TNFAIP8: variants seen among roughly 807,000 people sequenced by gnomAD.
TNFAIP8 encodes the protein tumor necrosis factor alpha-induced protein 8.
TNFAIP8 carries 7 observed loss-of-function variants against 13.3 expected under a neutral mutation model. The observed-to-expected ratio is 0.52, with a 90% CI of 0.30 to 0.99. TNFAIP8 has a LOEUF of 0.99. TNFAIP8 is among the 50% of genes least tolerant of loss of function. The probability of loss-of-function intolerance (pLI) is 0.07; values close to 1 mark genes in which losing one functional copy is unlikely to be tolerated. For missense variants in TNFAIP8, 258 were observed against 236.9 expected (o/e 1.09, Z -0.58); for synonymous variants, 94 against 87.6 (o/e 1.07, Z -0.41).
intron 1 of TNFAIP8, among the ~76,000 whole-genome samples, chr5:119,324,161 G>C (rs979050413): frequency 6.6e-6 from 1 of 151,298 alleles, no homozygotes; most frequent in African/African-American, 2.4e-5. Context: ...TATAATCCCA[G>C]CTACTCGAGA....
intron 1 of TNFAIP8, among the ~76,000 whole-genome samples, chr5:119,280,322 C>T (rs1315176519): frequency 1.4e-5 from 2 of 144,638 alleles, no homozygotes; most frequent in African/African-American, 5.3e-5. Flanking sequence ...GAGTTTTAGT[C>T]TTACCCATTA....
intron 1 of TNFAIP8, among the ~76,000 whole-genome samples, chr5:119,344,056 G>A (rs2112737034): frequency 6.6e-6 from 1 of 152,324 alleles, no homozygotes; most frequent in African/African-American, 2.4e-5. Flanking sequence ...CTTTCTTTGA[G>A]AGTGAGAAGT....
At chr5:119,328,683 G>A (rs1226906624) in intron 1 of TNFAIP8, among the ~76,000 whole-genome samples, 2 of 152,168 alleles carry the variant, frequency 1.3e-5, no homozygotes, top group Non-Finnish European at 2.9e-5. Flanking sequence ...GTGATGGAGG[G>A]AGGATGAGAA....
intron 1 of TNFAIP8, among the ~76,000 whole-genome samples, chr5:119,369,833 G>A (rs1580430851): frequency 6.6e-6 from 1 of 152,188 alleles, no homozygotes; most frequent in Non-Finnish European, 1.5e-5. Flanking sequence ...CTCCTAGTCT[G>A]TGTTTTGGAT....
At chr5:119,272,959 C>A (rs1397875770) in intron 1 of TNFAIP8, among the ~76,000 whole-genome samples, 1 of 152,184 alleles carries the variant, frequency 6.6e-6, no homozygotes, top group South Asian at 2.1e-4. Flanking sequence ...CAGGCTAACT[C>A]GTAAACACCT....
At chr5:119,290,303 T>C (rs961693710) in intron 1 of TNFAIP8, among the ~76,000 whole-genome samples, 1 of 152,218 alleles carries the variant, frequency 6.6e-6, no homozygotes, top group African/African-American at 2.4e-5. Flanking sequence ...AGGTCTCCCA[T>C]AGGATTGTAG....
intron 1 of TNFAIP8, among the ~76,000 whole-genome samples, chr5:119,304,061 A>G (rs1749478329): frequency 6.6e-6 from 1 of 151,894 alleles, no homozygotes; most frequent in Non-Finnish European, 1.5e-5. Context: ...GGATCCTGTC[A>G]TTCCCCAGCT....
chr5:119,332,316 G>A (rs995344242), intron 1 of TNFAIP8, among the ~76,000 whole-genome samples: 2 of 152,156 alleles, frequency 1.3e-5, no homozygotes, highest in South Asian at 2.1e-4. Flanking sequence ...TAGCAATTCT[G>A]TGACATTGAT....
chr5:119,391,360 C>G (rs1021360972), intron 1 of TNFAIP8: 1 of 701,836 alleles, frequency 1.4e-6, no homozygotes. Flanking sequence ...CTTTCTGATA[C>G]CCAGGCCTAG....
intron 1 of TNFAIP8, among the ~76,000 whole-genome samples, chr5:119,339,879 A>G (rs150960807): frequency 6.6e-6 from 1 of 152,354 alleles, no homozygotes; most frequent in Non-Finnish European, 1.5e-5. Context: ...TATTTGATTA[A>G]TTATTTTATC....
At chr5:119,317,315 T>C (rs569048117) in intron 1 of TNFAIP8, among the ~76,000 whole-genome samples, 5 of 152,258 alleles carry the variant, frequency 3.3e-5, no homozygotes, top group Admixed American at 2.6e-4. Flanking sequence ...TTAAATATGC[T>C]TTTAAATTGT....
At chr5:119,307,411 T>G (rs1178041509) in intron 1 of TNFAIP8, among the ~76,000 whole-genome samples, 1 of 152,216 alleles carries the variant, frequency 6.6e-6, no homozygotes, top group East Asian at 1.9e-4. Flanking sequence ...CATACAGTAC[T>G]TTTTTTGTAC....
In TNFAIP8 at chr5:119,366,378, G is replaced by T. The variant is rs114303832; in HGVS notation, c.31+10257G>T. 6.9e-3 allele frequency among the ~76,000 whole-genome samples: 1,046 copies of T among 152,262 alleles called. 17 individuals carry two copies. Among genetic ancestry groups the T allele is most frequent in the African/African-American group, 0.024 (992 of 41,536 alleles). On this transcript the variant is annotated intron_variant, in intron 1 of 1. Transcript: ENST00000504771. ...AAGCTCTCTAGTGCTTCTGAGGCAG[G>T]ATTAATGCAGAGGCCCATAAACAAG...
chr5:119,350,629 C>A (rs1016010165), intron 1 of TNFAIP8, among the ~76,000 whole-genome samples: 2 of 152,134 alleles, frequency 1.3e-5, no homozygotes, highest in African/African-American at 4.8e-5. Flanking sequence ...CAAGCACATC[C>A]CAGATGTATT....
intron 1 of TNFAIP8, among the ~76,000 whole-genome samples, chr5:119,388,577 T>A (rs1423058349): frequency 6.6e-6 from 1 of 152,138 alleles, no homozygotes; most frequent in East Asian, 1.9e-4. Flanking sequence ...GAAGAGGATT[T>A]AAGGAACAAG....
chr5:119,316,084 C>A (rs1257876504), intron 1 of TNFAIP8: 1 of 151,770 alleles, frequency 6.6e-6, no homozygotes, highest in Non-Finnish European at 1.5e-5. Flanking sequence ...TTTTTATGCA[C>A]TAGTTCCTGT....
chr5:119,343,473 G>T (rs1750806646), intron 1 of TNFAIP8, among the ~76,000 whole-genome samples: 1 of 152,098 alleles, frequency 6.6e-6, no homozygotes. Context: ...TATGTACATA[G>T]TTTCTTGTAA....
intron 1 of TNFAIP8, among the ~76,000 whole-genome samples, chr5:119,297,457 T>A (rs1749213737): frequency 6.6e-6 from 1 of 152,216 alleles, no homozygotes; most frequent in Non-Finnish European, 1.5e-5. Context: ...TTGATTGCAG[T>A]GTGGTCTGAG....
chr5:119,320,264 C>A (rs1581601572), intron 1 of TNFAIP8, among the ~76,000 whole-genome samples: 1 of 152,056 alleles, frequency 6.6e-6, no homozygotes. Context: ...GTTCAGGGTC[C>A]CTAAAGGCTT....
Sources: gnomAD v4.1 joint callset for allele counts (sites outside exome capture counted in the v4.1 genomes callset) on GRCh38, gnomAD v4.1.1 for gene constraint, MANE v1.5 for transcripts, NCBI Gene and HGNC (gene_info 2026-07-23, HGNC 2026-07-21) for gene names.